PLEKHA4: variants seen among roughly 807,000 people sequenced by gnomAD.
The protein encoded by PLEKHA4 is pleckstrin homology domain containing A4.
In PLEKHA4, 73 loss-of-function variants were observed where a neutral mutation model predicts 94.7. That is an observed-to-expected ratio of 0.77 (90% CI 0.64 to 0.94). PLEKHA4 has a LOEUF of 0.94. Among genes scored for constraint, PLEKHA4 ranks in the 40% least tolerant of loss-of-function variants. The pLI, the probability that PLEKHA4 is intolerant of heterozygous loss-of-function variation, is 0.00. For synonymous variants in PLEKHA4, 449 were observed against 437.1 expected, an observed-to-expected ratio of 1.03 and a Z score of -0.34; for missense variants, 1,049 against 1,054.1, an observed-to-expected ratio of 1.00 and a Z score of 0.07.
At chr19:48,839,124 G>T in intron 18 of PLEKHA4, 81 bp downstream of exon 18, 2 of 947,382 alleles carry the variant, frequency 2.1e-6, no homozygotes, top group Non-Finnish European at 3.2e-6. Context: ...ATATTCAGGA[G>T]ACTTTAATAA....
intron 9 of PLEKHA4, among the ~76,000 whole-genome samples, chr19:48,856,898 C>CAAAATAA (rs2036435954): frequency 2.8e-5 from 1 of 35,650 alleles, no homozygotes; most frequent in African/African-American, 1.6e-4. Context: ...GACCCCGTCT[C>CAAAATAA]AAAAAAAAAA....
Position 48,837,291 on chromosome 19 carries a change from A to G in PLEKHA4, c.2338T>C (p.Ter780GlnextTer59). Residue 780 changes from the stop codon to glutamine (Q), a stop_lost, in exon 20 of 20, where the codon TAA becomes CAA. Coordinates refer to ENST00000263265, the MANE Select transcript of PLEKHA4 (RefSeq NM_020904.3). The surrounding 1 kb of genome is among the most constrained non-coding windows in gnomAD (Gnocchi z 4.3). ...ATTGGCTGCCGCTTTTGGGCGGATT[A>G]GAAGCTGGATTGTAGCAGAGTGACT... ...LRVTLLQSSF[*>Q] 1 of 1,613,958 alleles carries G rather than the reference A, an allele frequency of 6.2e-7. No individual in the cohort carries two copies. Among genetic ancestry groups the G allele is most frequent in the South Asian group, 1.1e-5 (1 of 91,086 alleles).
At chr19:48,854,833 G>A (rs1280013689) in intron 9 of PLEKHA4, among the ~76,000 whole-genome samples, 1 of 151,120 alleles carries the variant, frequency 6.6e-6, no homozygotes, top group Non-Finnish European at 1.5e-5. Context: ...CCAAGTAGGT[G>A]GGACAACAGA....
In PLEKHA4 at chr19:48,861,458, G is replaced by C; in HGVS notation, c.309C>G (p.Ser103Arg). The change falls in exon 5 of 20, where the codon AGC (serine) becomes AGG (arginine). Residue 103 changes from serine to arginine, a missense_variant. By Grantham distance (110) the Ser-to-Arg change is moderately radical. Coordinates refer to ENST00000263265, the MANE Select transcript of PLEKHA4 (RefSeq NM_020904.3). ...CCGGCCCATCTGGTCTAATATTGTA[G>C]CTGGGGAGCAGGACGCTGCCTAGGA... ...ESVLGSVLLP[S>R]YNIRPDGPGA... The C allele has an allele frequency of 6.2e-7, 1 of 1,614,122 alleles. No homozygotes were observed. The highest frequency in any genetic ancestry group is 8.5e-7 in the Non-Finnish European group (1 of 1,180,026).
At position 48,838,042 on chromosome 19, in the gene PLEKHA4, C is replaced by T. The variant is rs2035605643; in HGVS notation, c.2052G>A (p.Ala684=). 1 of 1,613,580 alleles carries T rather than the reference C, an allele frequency of 6.2e-7. No homozygotes were observed. The highest frequency in any genetic ancestry group is 8.5e-7 in the Non-Finnish European group (1 of 1,179,706). ...LSLSQALATE[A]SQWHRMMTGG... is the part of the protein sequence containing the mutation. The stretch of plus-strand genomic sequence containing the variant: ...CTGTCATCATTCTGTGCCACTGCGA[C>T]GCCTCAGTAGCCAGGGCTTGGGAGA... Residue 684 remains alanine, a synonymous_variant, in exon 19 of 20, where the codon GCG becomes GCA. Coordinates refer to ENST00000263265, the MANE Select transcript of PLEKHA4 (RefSeq NM_020904.3).
Position 48,859,469 on chromosome 19 carries a change from T to TCGGG in PLEKHA4, c.688_691dup (p.Asp231AlafsTer48). 1 of 1,613,594 alleles carries TCGGG rather than the reference T, an allele frequency of 6.2e-7. No individual in the cohort carries two copies. The highest frequency in any genetic ancestry group is 8.5e-7 in the Non-Finnish European group (1 of 1,179,916). On this transcript the variant is annotated frameshift_variant and splice_region_variant, in exon 7 of 20. Transcript: ENST00000263265. LOFTEE classifies it high-confidence loss of function. ...CCACAACCATGTCCTCCCTACTCAC[T>TCGGG]CGGGGCTCCTCGCCCTCCGCATCTG...
intron 9 of PLEKHA4, among the ~76,000 whole-genome samples, chr19:48,855,994 G>A (rs568588693): frequency 2.0e-5 from 3 of 151,202 alleles, no homozygotes; most frequent in Non-Finnish European, 4.4e-5. Flanking sequence ...CCAACATGGA[G>A]AAACCCTGTC....
intron 12 of PLEKHA4, among the ~76,000 whole-genome samples, chr19:48,853,326 T>G (rs2123041029): frequency 6.6e-6 from 1 of 152,134 alleles, no homozygotes; most frequent in East Asian, 1.9e-4. Context: ...AGGTTAGGAG[T>G]TCGAGACCAG....
chr19:48,839,383 TG>T (rs2035668033), intron 17 of PLEKHA4, 120 bp from the exon 18 acceptor site: 4 of 561,982 alleles, frequency 7.1e-6, no homozygotes, highest in African/African-American at 1.9e-5. Context: ...GGCAATGTTT[TG>T]TTTTGTTTTT....
At chr19:48,846,010 CAAAA>C (rs1159060833) in intron 14 of PLEKHA4, among the ~76,000 whole-genome samples, 5 of 71,262 alleles carry the variant, frequency 7.0e-5, no homozygotes, top group Admixed American at 1.7e-4. Context: ...GACTCTGCCT[CAAAA>C]AAAAAAAAAA....
intron 17 of PLEKHA4, 121 bp downstream of exon 17, chr19:48,841,028 T>C (rs761658262): frequency 6.7e-6 from 7 of 1,052,330 alleles, no homozygotes; most frequent in Non-Finnish European, 9.5e-6. Flanking sequence ...TGGGGTAAAT[T>C]CGGAAATCCA....
chr19:48,848,630 T>C (rs1010896683), intron 13 of PLEKHA4, among the ~76,000 whole-genome samples: 3 of 151,150 alleles, frequency 2.0e-5, no homozygotes, highest in Non-Finnish European at 4.4e-5. Context: ...TCGTGTCTAC[T>C]AAAAATACAA....
In PLEKHA4 at chr19:48,839,833, T is replaced by C. The variant is rs1279421864; in HGVS notation, c.1906-570A>G. Reference sequence around the variant, plus strand: ...AGTCTAAGGGGCCGGGTCTGGTGGCTCACACCTGTAATCCCAGCACTTTGG... The same window carrying C: ...AGTCTAAGGGGCCGGGTCTGGTGGCCCACACCTGTAATCCCAGCACTTTGG... On this transcript the variant is annotated intron_variant, in intron 17 of 19. Transcript: ENST00000263265. Among the ~76,000 whole-genome samples the C allele has an allele frequency of 1.3e-5, 2 of 151,770 alleles. 1 individual carries two copies. Among genetic ancestry groups the C allele is most frequent in the Non-Finnish European group, 2.9e-5 (2 of 67,964 alleles).
chr19:48,866,270 G>A (rs531682721), intron 2 of PLEKHA4, among the ~76,000 whole-genome samples: 13 of 151,732 alleles, frequency 8.6e-5, no homozygotes, highest in East Asian at 7.8e-4. Context: ...TGTAGGGGAC[G>A]GGGGTCTCAC....
chr19:48,861,297 A>T (rs2036628941), intron 5 of PLEKHA4, 104 bp downstream of exon 5: 2 of 935,522 alleles, frequency 2.1e-6, no homozygotes, highest in African/African-American at 3.2e-5. Flanking sequence ...CCAGTAATGG[A>T]TATTCCAGTG....
At chr19:48,856,187 A>T (rs2036399360) in intron 9 of PLEKHA4, among the ~76,000 whole-genome samples, 2 of 151,426 alleles carry the variant, frequency 1.3e-5, no homozygotes, top group Admixed American at 1.3e-4. Flanking sequence ...AAAAAAAGAA[A>T]AAGGAAGGAA....
chr19:48,858,642 A>AAAAAAAAAAAAAAAAAAAG (rs2036516271), intron 8 of PLEKHA4, among the ~76,000 whole-genome samples: 1 of 150,440 alleles, frequency 6.6e-6, no homozygotes, highest in African/African-American at 2.5e-5. Flanking sequence ...AAAAAAAAAA[A>AAAAAAAAAAAAAAAAAAAG]AAGCAATGGC....
In PLEKHA4 at chr19:48,852,255, C is replaced by A. The variant is rs765898666; in HGVS notation, c.1398G>T (p.Glu466Asp). 1 of 1,614,074 alleles carries A rather than the reference C, an allele frequency of 6.2e-7. No homozygotes were observed. The highest frequency in any genetic ancestry group is 8.5e-7 in the Non-Finnish European group (1 of 1,180,002). The change falls in exon 13 of 20, where the codon GAG becomes GAT. Residue 466 changes from glutamate to aspartate, a missense_variant. Transcript: ENST00000263265. Reference protein sequence around the residue: ...QELGTLRETLEYLLHLGSPQD... With the variant: ...QELGTLRETLDYLLHLGSPQD... ...GGGGAGAACCAAGGTGCAGCAGGTA[C>A]TCCAGCGTCTCTCTTAAGGTGCCCA...
intron 12 of PLEKHA4, 33 bp from the exon 13 acceptor site, chr19:48,852,359 G>T: frequency 6.6e-7 from 1 of 1,522,000 alleles, no homozygotes; most frequent in South Asian, 1.1e-5. Flanking sequence ...ACATAGGTTA[G>T]GTCCCTCTCC....
Sources: allele counts gnomAD v4.1 joint callset (sites outside exome capture counted in the v4.1 genomes callset), GRCh38; gene constraint gnomAD v4.1.1; non-coding constraint Gnocchi (gnomAD v3.1); transcripts MANE v1.5; gene names NCBI Gene and HGNC (gene_info 2026-07-23, HGNC 2026-07-21).